Variants in DOK6 observed in about 807,000 individuals in gnomAD.
DOK6 encodes the protein docking protein 6, also known as downstream of tyrosine kinase 6.
In DOK6, 22 loss-of-function variants were observed where a neutral mutation model predicts 44.0. The ratio of observed to expected loss-of-function variants is 0.50; its 90% CI spans 0.36 to 0.71. The LOEUF is 0.71. DOK6 is among the 30% of genes least tolerant of loss of function. The probability of loss-of-function intolerance (pLI) is 0.00; values close to 1 mark genes in which losing one functional copy is unlikely to be tolerated. For missense variants in DOK6, 340 were observed against 416.4 expected (o/e 0.82, Z 1.60); for synonymous variants, 166 against 145.5 (o/e 1.14, Z -1.01).
At chr18:69,713,408 C>A (rs1296641446) in intron 5 of DOK6, among the ~76,000 whole-genome samples, 2 of 152,106 alleles carry the variant, frequency 1.3e-5, no homozygotes, top group Non-Finnish European at 2.9e-5. Flanking sequence ...GTGGAATAAG[C>A]TTCCTGCATA....
At chr18:69,788,046 G>A (rs1204871842) in intron 7 of DOK6, among the ~76,000 whole-genome samples, 1 of 152,170 alleles carries the variant, frequency 6.6e-6, no homozygotes, top group East Asian at 1.9e-4. Context: ...ATCCTCCAGT[G>A]CCCTTCTGGA....
At chr18:69,527,134 T>C (rs546327706) in intron 1 of DOK6, among the ~76,000 whole-genome samples, 2 of 152,342 alleles carry the variant, frequency 1.3e-5, no homozygotes, top group Admixed American at 1.3e-4. Flanking sequence ...CACATATGCA[T>C]TGTTACTTCT....
At chr18:69,695,484 A>C (rs143592729) in intron 4 of DOK6, among the ~76,000 whole-genome samples, 86 of 152,354 alleles carry the variant, frequency 5.6e-4, no homozygotes, top group African/African-American at 2.0e-3. Context: ...ATTTTAATGG[A>C]GCCAATTTTA....
intron 3 of DOK6, among the ~76,000 whole-genome samples, chr18:69,636,506 T>G (rs139958260): frequency 0.011 from 1,682 of 152,298 alleles, 23 homozygotes; most frequent in African/African-American, 0.039. Context: ...GTTAACAAGG[T>G]AGTCTATGCT....
chr18:69,615,200 AT>A (rs1188626662), intron 3 of DOK6, among the ~76,000 whole-genome samples: 2 of 152,194 alleles, frequency 1.3e-5, no homozygotes, highest in Admixed American at 6.5e-5. Flanking sequence ...ATTTTATTGC[AT>A]TTAAGAAGCC....
At chr18:69,825,196 T>C (rs182243527) in intron 7 of DOK6, among the ~76,000 whole-genome samples, 1 of 152,164 alleles carries the variant, frequency 6.6e-6, no homozygotes, top group Non-Finnish European at 1.5e-5. Context: ...CATAAACTGT[T>C]TCTGTCTTTG....
Position 69,844,053 on chromosome 18 carries a change from C to T in DOK6, c.*2670C>T, listed in dbSNP as rs1388603084. The T allele has an allele frequency of 6.6e-6, 1 of 152,168 alleles. No individual in the cohort carries two copies. Among genetic ancestry groups the T allele is most frequent in the Admixed American group, 6.5e-5 (1 of 15,276 alleles). The allele number at this position is 152,168 out of a possible 1,614,324, so 9.4% of individuals were successfully genotyped here. A position where few individuals can be genotyped will look rare whatever the true frequency, so the allele number is the denominator to read the frequency against. On this transcript the variant is annotated 3_prime_UTR_variant, in exon 8 of 8. Coordinates refer to ENST00000382713, the MANE Select transcript of DOK6 (RefSeq NM_152721.6). ...AAGTCACTGCACCAGTCTCCTGGAA[C>T]TTCATAAAATCAATTTCACTGGAGC...
chr18:69,422,254 T>C (rs1053092418), intron 1 of DOK6, among the ~76,000 whole-genome samples: 3 of 152,200 alleles, frequency 2.0e-5, no homozygotes, highest in African/African-American at 7.2e-5. Context: ...CTTATCCTCT[T>C]TCCCAAAGAA....
At chr18:69,473,424 T>C (rs1200300544) in intron 1 of DOK6, among the ~76,000 whole-genome samples, 1 of 152,238 alleles carries the variant, frequency 6.6e-6, no homozygotes, top group Non-Finnish European at 1.5e-5. Flanking sequence ...AATGGTGATA[T>C]CATGTTCCCT....
At position 69,491,064 on chromosome 18, in the gene DOK6, T is replaced by C. The variant is rs118137271; in HGVS notation, c.67-73423T>C. Among the ~76,000 whole-genome samples the C allele has an allele frequency of 3.8e-4, 58 of 152,328 alleles. No individual in the cohort carries two copies. The East Asian group carries it at 0.011, about 28-fold the overall frequency. ...TATATACTAAACATTCAGTAAGTGT[T>C]ATCTACATTATCTGCAATGGCATGG... On this transcript the variant is annotated intron_variant, in intron 1 of 7. Coordinates refer to ENST00000382713, the MANE Select transcript of DOK6 (RefSeq NM_152721.6).
intron 1 of DOK6, among the ~76,000 whole-genome samples, chr18:69,515,314 A>C (rs1398545626): frequency 6.6e-6 from 1 of 152,224 alleles, no homozygotes; most frequent in Non-Finnish European, 1.5e-5. Context: ...TGCATATGAA[A>C]GGAATTATAA....
intron 1 of DOK6, among the ~76,000 whole-genome samples, chr18:69,487,668 C>T (rs2144536724): frequency 6.6e-6 from 1 of 152,182 alleles, no homozygotes; most frequent in African/African-American, 2.4e-5. Context: ...GGAAAGAGGC[C>T]CTGAGAAGCA....
At chr18:69,751,895 G>A (rs977225083) in intron 6 of DOK6, among the ~76,000 whole-genome samples, 4 of 151,656 alleles carry the variant, frequency 2.6e-5, no homozygotes, top group Admixed American at 6.6e-5. Context: ...ATATACACAA[G>A]CAATACTTTA....
At chr18:69,573,261 GAAAATGAAGCGGCA>G (rs1983160370) in intron 2 of DOK6, among the ~76,000 whole-genome samples, 1 of 151,740 alleles carries the variant, frequency 6.6e-6, no homozygotes, top group Non-Finnish European at 1.5e-5. Context: ...TCCAATGTGT[GAAAATGAAGCGGCA>G]AAACAGCATG....
At chr18:69,565,727 C>A (rs2144599056) in intron 2 of DOK6, among the ~76,000 whole-genome samples, 1 of 152,134 alleles carries the variant, frequency 6.6e-6, no homozygotes, top group Non-Finnish European at 1.5e-5. Context: ...ACTTTCTGTC[C>A]AGTCACTTAC....
rs572062716 is a variant in DOK6 at position 69,727,314 on chromosome 18, A to T, written c.600-11651A>T. 8.5e-5 allele frequency among the ~76,000 whole-genome samples: 13 copies of T among 152,248 alleles called. No individual in the cohort carries two copies. The East Asian group carries it at 2.5e-3, about 29-fold the overall frequency. On this transcript the variant is annotated intron_variant, in intron 5 of 7. Coordinates refer to ENST00000382713, the MANE Select transcript of DOK6 (RefSeq NM_152721.6). ...AACACAAACATTCAGACCATAGCAGACTGTTTTGTGAAGTGGCTGAAATCT... is the reference window on the plus strand; with the variant it reads ...AACACAAACATTCAGACCATAGCAGTCTGTTTTGTGAAGTGGCTGAAATCT...
chr18:69,768,600 C>T (rs1473393514), intron 7 of DOK6, among the ~76,000 whole-genome samples: 1 of 149,538 alleles, frequency 6.7e-6, no homozygotes, highest in Non-Finnish European at 1.5e-5. Flanking sequence ...ACAAGTTTTC[C>T]TTTATTTTCC....
intron 2 of DOK6, among the ~76,000 whole-genome samples, chr18:69,589,832 G>C (rs1040181735): frequency 6.6e-6 from 1 of 152,032 alleles, no homozygotes; most frequent in Non-Finnish European, 1.5e-5. Flanking sequence ...GAAAAACTTG[G>C]GCTTAACTGG....
chr18:69,812,353 C>A (rs1331887539), intron 7 of DOK6, among the ~76,000 whole-genome samples: 1 of 152,120 alleles, frequency 6.6e-6, no homozygotes, highest in Non-Finnish European at 1.5e-5. Flanking sequence ...CCATCCAACA[C>A]CCTTTTCTGT....
Sources: gnomAD v4.1 joint callset for allele counts (sites outside exome capture counted in the v4.1 genomes callset) on GRCh38, gnomAD v4.1.1 for gene constraint, MANE v1.5 for transcripts, NCBI Gene and HGNC (gene_info 2026-07-23, HGNC 2026-07-21) for gene names.